The following BMERB1 variants were observed in gnomAD, a reference collection of about 807,000 sequenced individuals.
BMERB1 encodes the protein bMERB domain containing 1.
Under a neutral mutation model 23.6 loss-of-function variants are expected in BMERB1, and 12 were observed. The ratio of observed to expected loss-of-function variants is 0.51; its 90% CI spans 0.33 to 0.82. The LOEUF is 0.82. Among genes scored for constraint, BMERB1 ranks in the 40% least tolerant of loss-of-function variants. BMERB1 has a pLI of 0.03. For synonymous variants in BMERB1, 122 were observed against 96.6 expected (o/e 1.26, Z -1.54); for missense variants, 247 against 255.4 (o/e 0.97, Z 0.22).
chr16:15,553,991 T>A (rs958545017), intron 2 of BMERB1, among the ~76,000 whole-genome samples: 2 of 152,180 alleles, frequency 1.3e-5, no homozygotes, highest in Admixed American at 6.5e-5. Flanking sequence ...CATATGTCCC[T>A]GATATGTCCT....
intron 2 of BMERB1, among the ~76,000 whole-genome samples, chr16:15,521,937 A>G (rs1027073955): frequency 6.6e-6 from 1 of 152,114 alleles, no homozygotes; most frequent in Non-Finnish European, 1.5e-5. Context: ...GGCTGTCAAC[A>G]ACCTCAGACT....
intron 1 of BMERB1, among the ~76,000 whole-genome samples, chr16:15,460,320 C>T (rs2051123485): frequency 6.6e-6 from 1 of 152,026 alleles, no homozygotes; most frequent in Non-Finnish European, 1.5e-5. Context: ...ACTCGGGAAC[C>T]ATCTTGGCTA....
At chr16:15,497,428 G>A (rs2051483644) in intron 1 of BMERB1, among the ~76,000 whole-genome samples, 1 of 152,154 alleles carries the variant, frequency 6.6e-6, no homozygotes, top group Non-Finnish European at 1.5e-5. Context: ...CCCTCCTGAG[G>A]AAGGAACTCA....
chr16:15,491,307 C>G (rs548160346), intron 1 of BMERB1, among the ~76,000 whole-genome samples: 1 of 152,092 alleles, frequency 6.6e-6, no homozygotes, highest in Non-Finnish European at 1.5e-5. Flanking sequence ...TATACTTGCT[C>G]CCTTAGTAGA....
intron 2 of BMERB1, among the ~76,000 whole-genome samples, chr16:15,543,609 C>T (rs144154677): frequency 2.5e-4 from 38 of 152,152 alleles, no homozygotes; most frequent in African/African-American, 8.9e-4. Flanking sequence ...CTCCTTGAGC[C>T]TAGGGGTTTG....
At chr16:15,460,429 A>G (rs560237440) in intron 1 of BMERB1, among the ~76,000 whole-genome samples, 2 of 152,168 alleles carry the variant, frequency 1.3e-5, no homozygotes, top group Non-Finnish European at 2.9e-5. Flanking sequence ...ACATTTAGAC[A>G]TTTTGCTCTG....
At chr16:15,504,629 T>G (rs541003692) in intron 1 of BMERB1, among the ~76,000 whole-genome samples, 2 of 151,972 alleles carry the variant, frequency 1.3e-5, no homozygotes, top group African/African-American at 4.8e-5. Flanking sequence ...TTACATTTTA[T>G]TTTTGTAGAG....
intron 2 of BMERB1, among the ~76,000 whole-genome samples, chr16:15,546,621 T>C (rs2029925566): frequency 6.6e-6 from 1 of 152,186 alleles, no homozygotes; most frequent in African/African-American, 2.4e-5. Context: ...TTCTAAACTA[T>C]ATGTCCACGT....
chr16:15,483,430 A>T (rs1414324674), intron 1 of BMERB1, among the ~76,000 whole-genome samples: 1 of 152,080 alleles, frequency 6.6e-6, no homozygotes, highest in African/African-American at 2.4e-5. Flanking sequence ...CCCAGGCTGG[A>T]GTGCAATGGC....
chr16:15,494,440 A>G (rs184494898), intron 1 of BMERB1, among the ~76,000 whole-genome samples: 2 of 152,230 alleles, frequency 1.3e-5, no homozygotes, highest in Admixed American at 1.3e-4. Flanking sequence ...GTAATGTAAA[A>G]TGACATTACA....
chr16:15,556,952 G>C (rs2030277521), intron 2 of BMERB1, among the ~76,000 whole-genome samples: 1 of 152,230 alleles, frequency 6.6e-6, no homozygotes, highest in African/African-American at 2.4e-5. Context: ...TTTAAAAGGA[G>C]ACAATAAAGA....
chr16:15,549,915 A>G (rs565133439), intron 2 of BMERB1, among the ~76,000 whole-genome samples: 28 of 151,346 alleles, frequency 1.9e-4, no homozygotes, highest in African/African-American at 6.3e-4. Flanking sequence ...ATTTTCTCTT[A>G]TTGCTTCTAT....
chr16:15,568,833 T>A (rs1223948827), intron 3 of BMERB1, among the ~76,000 whole-genome samples: 1 of 152,138 alleles, frequency 6.6e-6, no homozygotes, highest in Non-Finnish European at 1.5e-5. Flanking sequence ...TAGTTAATAA[T>A]GCCTGACTTA....
intron 1 of BMERB1, among the ~76,000 whole-genome samples, chr16:15,502,565 C>T (rs1227413401): frequency 1.3e-5 from 2 of 152,036 alleles, no homozygotes; most frequent in Non-Finnish European, 2.9e-5. Flanking sequence ...TTGGTGCATC[C>T]CGTAATAGGA....
chr16:15,542,158 G>A (rs1305695854), intron 2 of BMERB1, among the ~76,000 whole-genome samples: 3 of 150,270 alleles, frequency 2.0e-5, no homozygotes, highest in Non-Finnish European at 4.4e-5. Context: ...CCGCCTCCCA[G>A]GTTCAAGCAA....
chr16:15,441,860 G>A (rs961653218), intron 1 of BMERB1, among the ~76,000 whole-genome samples: 1 of 152,144 alleles, frequency 6.6e-6, no homozygotes, highest in African/African-American at 2.4e-5. Context: ...GGTACTAGAT[G>A]GGGAATAAGT....
At chr16:15,553,937 A>T (rs1334129648) in intron 2 of BMERB1, among the ~76,000 whole-genome samples, 2 of 152,138 alleles carry the variant, frequency 1.3e-5, no homozygotes, top group African/African-American at 4.8e-5. Flanking sequence ...CTCACTCTAG[A>T]ACCTAAGATG....
intron 1 of BMERB1, among the ~76,000 whole-genome samples, chr16:15,451,699 C>A (rs1466639746): frequency 2.7e-5 from 4 of 149,276 alleles, no homozygotes; most frequent in Non-Finnish European, 5.9e-5. Context: ...GCTGGGACTA[C>A]AGGTGGGTGT....
chr16:15,505,801 T>C (rs1752685526), intron 1 of BMERB1, among the ~76,000 whole-genome samples: 1 of 147,862 alleles, frequency 6.8e-6, no homozygotes, highest in Non-Finnish European at 1.5e-5. Context: ...GGCAGGAGAA[T>C]GGCGTGAATT....
Sources: allele counts gnomAD v4.1 joint callset (sites outside exome capture counted in the v4.1 genomes callset), GRCh38; gene constraint gnomAD v4.1.1; transcripts MANE v1.5; gene names NCBI Gene and HGNC (gene_info 2026-07-23, HGNC 2026-07-21).